The following PTCSC3 variants were observed in gnomAD, a reference collection of about 807,000 sequenced individuals.
PTCSC3 encodes papillary thyroid carcinoma susceptibility candidate 3, also known as papillary thyroid carcinoma susceptibility candidate 3 (non-protein coding).
At chr14:36,170,906 A>G (rs964486169) in intron 1 of PTCSC3, among the ~76,000 whole-genome samples, 81 of 152,222 alleles carry the variant, frequency 5.3e-4, no homozygotes, top group African/African-American at 1.9e-3. Context: ...ATGTAGATAC[A>G]TTTGCCTACT....
chr14:36,163,924 C>T (rs1021938754), intron 1 of PTCSC3, among the ~76,000 whole-genome samples: 1 of 152,086 alleles, frequency 6.6e-6, no homozygotes, highest in Non-Finnish European at 1.5e-5. Flanking sequence ...AATGCAAATG[C>T]GTTTGTGAAT....
In PTCSC3 at chr14:36,154,367, G is replaced by T. The variant is rs574382456; in HGVS notation, n.232-473C>A. ...TAAAAAACAGGTTATATAATAATAC[G>T]TACCCTCCAAAATTATGCACACATT... is the stretch of plus-strand genomic sequence containing the variant. On this transcript the variant is annotated intron_variant and non_coding_transcript_variant, in intron 2 of 3. Coordinates refer to ENST00000556013, the Ensembl canonical transcript of PTCSC3. 1.8e-3 allele frequency among the ~76,000 whole-genome samples: 275 copies of T among 152,158 alleles called. 3 individuals are homozygous for T. The highest frequency in any genetic ancestry group is 6.2e-3 in the African/African-American group (257 of 41,504).
chr14:36,139,129 A>T (rs191087027), intron 3 of PTCSC3, among the ~76,000 whole-genome samples: 21 of 151,350 alleles, frequency 1.4e-4, no homozygotes, highest in East Asian at 1.2e-3. Context: ...TAAAAAAAAA[A>T]AAAAAAAAAA....
At chr14:36,145,132 G>C (rs1241291448) in intron 3 of PTCSC3, among the ~76,000 whole-genome samples, 5 of 137,468 alleles carry the variant, frequency 3.6e-5, no homozygotes, top group Non-Finnish European at 6.3e-5. Flanking sequence ...TTTTTTTGTT[G>C]TGTCTCTGCC....
chr14:36,160,073 T>C (rs1310623642), intron 2 of PTCSC3, among the ~76,000 whole-genome samples: 1 of 152,242 alleles, frequency 6.6e-6, no homozygotes. Context: ...GCTCTCCATT[T>C]GCTTGGCAAA....
intron 3 of PTCSC3, among the ~76,000 whole-genome samples, chr14:36,144,093 G>T (rs989218332): frequency 7.9e-5 from 12 of 152,152 alleles, no homozygotes; most frequent in African/African-American, 2.7e-4. Flanking sequence ...CAGGTAGTGT[G>T]ATGCCTCCAG....
intron 2 of PTCSC3, among the ~76,000 whole-genome samples, chr14:36,160,516 G>A (rs2139105603): frequency 6.6e-6 from 1 of 152,270 alleles, no homozygotes; most frequent in African/African-American, 2.4e-5. Flanking sequence ...GAAATTCTGG[G>A]TTGAAAATTA....
intron 1 of PTCSC3, among the ~76,000 whole-genome samples, chr14:36,173,706 G>A (rs1451057578): frequency 3.9e-5 from 6 of 151,990 alleles, no homozygotes; most frequent in Non-Finnish European, 7.4e-5. Context: ...CATTCCTGGT[G>A]CCCTTTGATC....
chr14:36,147,096 T>C (rs1881592704), intron 3 of PTCSC3, among the ~76,000 whole-genome samples: 1 of 152,160 alleles, frequency 6.6e-6, no homozygotes, highest in African/African-American at 2.4e-5. Context: ...GCCCTTAACA[T>C]TTTTTCCTTC....
chr14:36,173,147 A>T (rs983196881), intron 1 of PTCSC3, among the ~76,000 whole-genome samples: 1 of 152,204 alleles, frequency 6.6e-6, no homozygotes, highest in Non-Finnish European at 1.5e-5. Context: ...TAGGTATTTA[A>T]AGGCAGTAAC....
chr14:36,148,285 T>G (rs1407746468), intron 3 of PTCSC3, among the ~76,000 whole-genome samples: 3 of 152,142 alleles, frequency 2.0e-5, no homozygotes, highest in Non-Finnish European at 2.9e-5. Context: ...TGCAGTTTGA[T>G]CTCAGACTGC....
At chr14:36,162,844 A>C (rs1881996786) in intron 1 of PTCSC3, among the ~76,000 whole-genome samples, 1 of 152,198 alleles carries the variant, frequency 6.6e-6, no homozygotes, top group South Asian at 2.1e-4. Flanking sequence ...TGGAGTTTGC[A>C]CTGGTACTGG....
At chr14:36,151,720 A>G (rs766314529) in intron 3 of PTCSC3, among the ~76,000 whole-genome samples, 4 of 152,212 alleles carry the variant, frequency 2.6e-5, no homozygotes, top group Non-Finnish European at 5.9e-5. Flanking sequence ...GAGTTAGCTA[A>G]TTGACCTTCC....
intron 2 of PTCSC3, among the ~76,000 whole-genome samples, chr14:36,160,252 A>AATT (rs1881926305): frequency 6.6e-6 from 1 of 152,148 alleles, no homozygotes; most frequent in Non-Finnish European, 1.5e-5. Flanking sequence ...GTTATGTGTG[A>AATT]ATTTGATCCT....
chr14:36,160,040 T>C (rs1881921363), intron 2 of PTCSC3, among the ~76,000 whole-genome samples: 1 of 152,218 alleles, frequency 6.6e-6, no homozygotes, highest in South Asian at 2.1e-4. Context: ...GAGACTAGGA[T>C]TGCAAGCCCT....
intron 1 of PTCSC3, among the ~76,000 whole-genome samples, chr14:36,168,396 T>C (rs527572517): frequency 7.6e-5 from 11 of 144,892 alleles, no homozygotes; most frequent in African/African-American, 2.3e-4. Context: ...TATATATATA[T>C]ATTCTACTTT....
chr14:36,145,901 G>A (rs1195555240), intron 3 of PTCSC3, among the ~76,000 whole-genome samples: 3,460 of 150,138 alleles, frequency 0.023, 58 homozygotes, highest in African/African-American at 0.08. Context: ...CTTTATTTCT[G>A]CCTTCATTTT....
intron 3 of PTCSC3, among the ~76,000 whole-genome samples, chr14:36,144,676 GC>G: frequency 9.9e-6 from 1 of 100,714 alleles, no homozygotes; most frequent in Admixed American, 1.1e-4. Flanking sequence ...AATTGCCCTG[GC>G]CAGAACTTCC....
rs1332328304 is a variant in PTCSC3 at position 36,145,750 on chromosome 14, T to C, written n.322+8054A>G. ...GCTTTTCTAGTTCTTTTAATTGTGA[T>C]GTTAGGGTGTCAATTTTGGATCTTT... On this transcript the variant is annotated intron_variant and non_coding_transcript_variant, in intron 3 of 3. Coordinates refer to ENST00000556013, the Ensembl canonical transcript of PTCSC3. Among the ~76,000 whole-genome samples, 226 of 139,770 alleles carry C rather than the reference T, an allele frequency of 1.6e-3. 1 individual carries two copies. The highest frequency in any genetic ancestry group is 5.6e-3 in the African/African-American group (214 of 38,244). The allele number at this position is 139,770 out of a possible 152,430, so 91.7% of individuals were successfully genotyped here. A position where few individuals can be genotyped will look rare whatever the true frequency, so the allele number is the denominator to read the frequency against.
Sources: gnomAD v4.1 joint callset for allele counts (sites outside exome capture counted in the v4.1 genomes callset) on GRCh38, gnomAD v4.1.1 for gene constraint, MANE v1.5 for transcripts, NCBI Gene and HGNC (gene_info 2026-07-23, HGNC 2026-07-21) for gene names.